The following PLPP1 variants were observed in gnomAD, a reference collection of about 807,000 sequenced individuals.
The protein encoded by PLPP1 is phospholipid phosphatase 1.
Under a neutral mutation model 31.2 loss-of-function variants are expected in PLPP1, and 24 were observed. The observed-to-expected ratio is 0.77, with a 90% CI of 0.56 to 1.08. The LOEUF is 1.08. Among genes scored for constraint, PLPP1 ranks in the 50% least tolerant of loss-of-function variants. The pLI, the probability that PLPP1 is intolerant of heterozygous loss-of-function variation, is 0.00. For missense variants in PLPP1, 319 were observed against 342.7 expected, an observed-to-expected ratio of 0.93 and a Z score of 0.55; for synonymous variants, 146 against 126.3, an observed-to-expected ratio of 1.16 and a Z score of -1.05.
At chr5:55,483,571 C>G (rs910508954) in intron 1 of PLPP1, among the ~76,000 whole-genome samples, 3 of 149,470 alleles carry the variant, frequency 2.0e-5, no homozygotes, top group Non-Finnish European at 4.4e-5. Context: ...ACTCGGGAAG[C>G]TGAGGCACAA....
At chr5:55,431,395 GT>G (rs1214521776) in intron 4 of PLPP1, among the ~76,000 whole-genome samples, 1 of 152,172 alleles carries the variant, frequency 6.6e-6, no homozygotes, top group African/African-American at 2.4e-5. Flanking sequence ...TGTATTGAAT[GT>G]GCTGAAAGAA....
intron 3 of PLPP1, among the ~76,000 whole-genome samples, chr5:55,443,009 A>C (rs1000423518): frequency 6.6e-6 from 1 of 151,510 alleles, no homozygotes; most frequent in Admixed American, 6.6e-5. Flanking sequence ...AACAAGAGGG[A>C]CCGGCTCTTA....
chr5:55,448,489 C>T (rs1382792837), intron 3 of PLPP1, among the ~76,000 whole-genome samples: 1 of 147,622 alleles, frequency 6.8e-6, no homozygotes, highest in African/African-American at 2.5e-5. Flanking sequence ...GCTCTGTCGC[C>T]CAGGCTGGAG....
chr5:55,500,639 G>C (rs1353513), intron 1 of PLPP1, among the ~76,000 whole-genome samples: 1 of 57,344 alleles, frequency 1.7e-5, no homozygotes, highest in African/African-American at 4.0e-5. Context: ...TATTCTGTGG[G>C]TAGCAGGGAG....
chr5:55,481,494 G>A (rs978295668), intron 1 of PLPP1, among the ~76,000 whole-genome samples: 2 of 152,094 alleles, frequency 1.3e-5, no homozygotes, highest in Non-Finnish European at 2.9e-5. Context: ...CTGCCTTGGG[G>A]ATGACAGCAG....
chr5:55,490,989 G>A lies in PLPP1; in HGVS notation c.59-15539C>T, dbSNP rs1270449808. 5 of 1,612,750 alleles carry A rather than the reference G, an allele frequency of 3.1e-6. No individual in the cohort carries two copies. In the African/African-American group the frequency reaches 6.7e-5, roughly 22 times the overall value. ...GAAATGGGCAAGCCAACCCCCACTA[G>A]GATGAGGACAGTGGATGTGACGGTA... is the stretch of plus-strand genomic sequence containing the variant. On this transcript the variant is annotated intron_variant, in intron 1 of 5. Coordinates refer to ENST00000307259, the MANE Select transcript of PLPP1 (RefSeq NM_003711.4).
chr5:55,512,524 GAAAGAAA>G lies in PLPP1; in HGVS notation c.58+22041_58+22047del, dbSNP rs1561253192. 4.8e-3 allele frequency among the ~76,000 whole-genome samples: 45 copies of G among 9,310 alleles called. 2 individuals are homozygous for G. The highest frequency in any genetic ancestry group is 9.9e-3 in the African/African-American group (43 of 4,354). 6.1% of individuals were successfully genotyped at this position (9,310 alleles called of 152,430 possible). ...AAGAAAAGAAAAGAAAAGAAAGAAA[GAAAGAAA>G]GAAAGAAAGAAAGAAAGAAAGAAAG... is the stretch of plus-strand genomic sequence containing the variant. On this transcript the variant is annotated intron_variant, in intron 1 of 5. Transcript: ENST00000307259.
At chr5:55,507,275 T>C (rs1373078654) in intron 1 of PLPP1, among the ~76,000 whole-genome samples, 5 of 152,220 alleles carry the variant, frequency 3.3e-5, no homozygotes, top group Admixed American at 1.3e-4. Context: ...GTTTCATGTC[T>C]AGCACACACC....
At chr5:55,519,910 T>G (rs1753628931) in intron 1 of PLPP1, among the ~76,000 whole-genome samples, 1 of 152,136 alleles carries the variant, frequency 6.6e-6, no homozygotes, top group Non-Finnish European at 1.5e-5. Context: ...TTTCTTAAAC[T>G]CTACAGAAAA....
chr5:55,443,185 A>AT (rs2111712361), intron 3 of PLPP1, among the ~76,000 whole-genome samples: 2 of 74,858 alleles, frequency 2.7e-5, no homozygotes, highest in South Asian at 1.0e-3. Flanking sequence ...CTTAAAAAAA[A>AT]AAAAAAAATA....
intron 4 of PLPP1, among the ~76,000 whole-genome samples, chr5:55,430,161 T>G (rs1359846362): frequency 6.6e-6 from 1 of 152,052 alleles, no homozygotes; most frequent in Non-Finnish European, 1.5e-5. Flanking sequence ...CGCAAACCAC[T>G]TGGGAATCAG....
intron 1 of PLPP1, among the ~76,000 whole-genome samples, chr5:55,476,262 T>C (rs1364243060): frequency 2.0e-5 from 3 of 151,894 alleles, no homozygotes; most frequent in Admixed American, 6.6e-5. Flanking sequence ...ACTGATCCTA[T>C]AGCCTCAGCC....
At chr5:55,504,958 A>G (rs987966016) in intron 1 of PLPP1, among the ~76,000 whole-genome samples, 4 of 151,854 alleles carry the variant, frequency 2.6e-5, no homozygotes, top group African/African-American at 9.7e-5. Flanking sequence ...CTATAGGTGC[A>G]CATCACCACA....
At chr5:55,485,481 C>G (rs1685819827) in intron 1 of PLPP1, among the ~76,000 whole-genome samples, 1 of 151,286 alleles carries the variant, frequency 6.6e-6, no homozygotes, top group Non-Finnish European at 1.5e-5. Flanking sequence ...CTTTTTTTTT[C>G]TTTTGGCACT....
intron 3 of PLPP1, among the ~76,000 whole-genome samples, chr5:55,451,776 T>C (rs1465388001): frequency 6.6e-6 from 1 of 152,172 alleles, no homozygotes; most frequent in African/African-American, 2.4e-5. Flanking sequence ...TTGGTCAGGC[T>C]GGTCTCAAAC....
intron 4 of PLPP1, among the ~76,000 whole-genome samples, chr5:55,428,685 T>G (rs1751268368): frequency 6.6e-6 from 1 of 152,212 alleles, no homozygotes; most frequent in African/African-American, 2.4e-5. Flanking sequence ...CTATTAGAAC[T>G]AGATACAGGG....
intron 3 of PLPP1, 149 bp downstream of exon 3, chr5:55,467,718 TGA>T: frequency 1.2e-6 from 1 of 823,312 alleles, no homozygotes; most frequent in Non-Finnish European, 1.8e-6. Flanking sequence ...AAAGGCATGA[TGA>T]GAGAGAACAA....
chr5:55,488,283 T>C (rs1752816023), intron 1 of PLPP1, among the ~76,000 whole-genome samples: 1 of 150,198 alleles, frequency 6.7e-6, no homozygotes, highest in African/African-American at 2.4e-5. Flanking sequence ...AAAAAAAAAA[T>C]TGTTATAAAG....
At chr5:55,529,055 G>T (rs1466064048) in intron 1 of PLPP1, among the ~76,000 whole-genome samples, 1 of 152,008 alleles carries the variant, frequency 6.6e-6, no homozygotes, top group Non-Finnish European at 1.5e-5. Context: ...TTGTGTGTGT[G>T]TGTAAACTCA....
Sources: gnomAD v4.1 joint callset for allele counts (sites outside exome capture counted in the v4.1 genomes callset) on GRCh38, gnomAD v4.1.1 for gene constraint, MANE v1.5 for transcripts, NCBI Gene and HGNC (gene_info 2026-07-23, HGNC 2026-07-21) for gene names.